UST: variants seen among roughly 807,000 people sequenced by gnomAD.
The protein encoded by UST is uronyl 2-sulfotransferase, also known as chondroitin sulfate 2-O-sulfotransferase.
A neutral mutation model predicts 45.6 loss-of-function variants in UST; 21 were observed. That is an observed-to-expected ratio of 0.46 (90% CI 0.33 to 0.66). The LOEUF (loss-of-function observed/expected upper bound fraction) is 0.66, where lower values mean the gene tolerates loss of function less well. UST is among the 30% of genes least tolerant of loss of function. The pLI is 0.02. For missense variants in UST, 463 were observed against 512.4 expected, an observed-to-expected ratio of 0.90 and a Z score of 0.93; for synonymous variants, 215 against 200.6, an observed-to-expected ratio of 1.07 and a Z score of -0.61.
chr6:148,770,635 G>A (rs116869609), intron 1 of UST, among the ~76,000 whole-genome samples: 1,582 of 152,256 alleles, frequency 0.01, 13 homozygotes, highest in Non-Finnish European at 0.016. Flanking sequence ...TAGGGCAGGC[G>A]TCTGATACAG....
chr6:149,069,727 A>G (rs1323091982), intron 7 of UST, among the ~76,000 whole-genome samples: 1 of 152,248 alleles, frequency 6.6e-6, no homozygotes, highest in Non-Finnish European at 1.5e-5. Flanking sequence ...CAAAGAAAGA[A>G]ATGTATAAAC....
At chr6:149,010,909 A>ACAAAC (rs1775797671) in intron 5 of UST, among the ~76,000 whole-genome samples, 7 of 149,222 alleles carry the variant, frequency 4.7e-5, no homozygotes, top group Admixed American at 1.3e-4. Flanking sequence ...AAAAAAAAAA[A>ACAAAC]AAAAAAAAAA....
At chr6:149,011,015 C>T (rs772673548) in intron 5 of UST, among the ~76,000 whole-genome samples, 3 of 150,618 alleles carry the variant, frequency 2.0e-5, no homozygotes, top group Non-Finnish European at 4.4e-5. Flanking sequence ...TGTTTGGTCT[C>T]TTGTGTCCGT....
chr6:149,040,333 C>T lies in UST; in HGVS notation c.937+18852C>T, dbSNP rs80162262. ...TATTTGTATTTTTTCCTGCAAAATG[C>T]CTGTAGATACTAGCAGGTAAGCATT... On this transcript the variant is annotated intron_variant, in intron 7 of 7. Coordinates refer to ENST00000367463, the MANE Select transcript of UST (RefSeq NM_005715.3). 7.6e-3 allele frequency among the ~76,000 whole-genome samples: 1,163 copies of T among 152,134 alleles called. 17 individuals are homozygous for T. The highest frequency in any genetic ancestry group is 0.027 in the African/African-American group (1,110 of 41,500).
intron 1 of UST, among the ~76,000 whole-genome samples, chr6:148,878,499 T>TGTGTATGAGTACAGGGATC (rs1778755646): frequency 1.0e-5 from 1 of 95,610 alleles, no homozygotes; most frequent in Non-Finnish European, 2.0e-5. Context: ...GTACAGGGAT[T>TGTGTATGAGTACAGGGATC]GTGTATGAGT....
At chr6:148,916,916 G>A (rs1399752780) in intron 2 of UST, among the ~76,000 whole-genome samples, 4 of 152,212 alleles carry the variant, frequency 2.6e-5, no homozygotes, top group Non-Finnish European at 5.9e-5. Context: ...ATTTCTTCCT[G>A]CCTTGCTCAT....
chr6:148,801,966 C>T (rs1226394422), intron 1 of UST, among the ~76,000 whole-genome samples: 1 of 152,142 alleles, frequency 6.6e-6, no homozygotes, highest in Non-Finnish European at 1.5e-5. Context: ...GATTCTGTCA[C>T]TCTTAAATTT....
chr6:148,868,899 TA>T (rs1288487474), intron 1 of UST, among the ~76,000 whole-genome samples: 2 of 152,234 alleles, frequency 1.3e-5, no homozygotes, highest in Non-Finnish European at 2.9e-5. Context: ...AATATAATCG[TA>T]AGAGTTACAC....
At chr6:148,870,104 T>TCTCACACACACACACACACA (rs377724567) in intron 1 of UST, among the ~76,000 whole-genome samples, 53 of 141,546 alleles carry the variant, frequency 3.7e-4, no homozygotes, top group African/African-American at 1.3e-3. Flanking sequence ...TGGTAATGTT[T>TCTCACACACACACACACACA]CACACACACA....
chr6:148,878,445 T>C lies in UST; in HGVS notation c.248-8541T>C, dbSNP rs576488407. On this transcript the variant is annotated intron_variant, in intron 1 of 7. Coordinates refer to ENST00000367463, the MANE Select transcript of UST (RefSeq NM_005715.3). ...GGTCGTGTATGAGTGTGGGGGATCGTGTATGAGTGGGGTGTCGTGTATGAG... is the reference window on the plus strand; with the variant it reads ...GGTCGTGTATGAGTGTGGGGGATCGCGTATGAGTGGGGTGTCGTGTATGAG... 2.3e-4 allele frequency among the ~76,000 whole-genome samples: 22 copies of C among 94,178 alleles called. 2 individuals carry two copies. In the East Asian group the frequency reaches 7.6e-3, roughly 33 times the overall value. 61.8% of individuals were successfully genotyped at this position (94,178 alleles called of 152,430 possible). A position where few individuals can be genotyped will look rare whatever the true frequency, so the allele number is the denominator to read the frequency against.
At chr6:148,766,928 C>G (rs78149466) in intron 1 of UST, among the ~76,000 whole-genome samples, 3,171 of 152,306 alleles carry the variant, frequency 0.021, 100 homozygotes, top group African/African-American at 0.071. Context: ...CTTTATTTGT[C>G]TATGACTTAT....
intron 2 of UST, among the ~76,000 whole-genome samples, chr6:148,911,404 T>C (rs570325159): frequency 8.5e-5 from 13 of 152,310 alleles, no homozygotes; most frequent in East Asian, 7.7e-4. Flanking sequence ...CTAGACCTTT[T>C]CCTAGGGACC....
intron 1 of UST, among the ~76,000 whole-genome samples, chr6:148,775,024 G>GA (rs1019562849): frequency 6.2e-5 from 9 of 145,730 alleles, no homozygotes; most frequent in South Asian, 2.2e-4. Context: ...TCATCTCAAA[G>GA]AAAAAAAAAA....
At chr6:148,944,508 T>TACACACACACACAC (rs10663979) in intron 3 of UST, among the ~76,000 whole-genome samples, 48 of 142,634 alleles carry the variant, frequency 3.4e-4, no homozygotes, top group East Asian at 2.4e-3. Flanking sequence ...GTTGTGATCA[T>TACACACACACACAC]ACACACACAC....
chr6:149,067,392 G>A (rs1206647734), intron 7 of UST, among the ~76,000 whole-genome samples: 2 of 152,098 alleles, frequency 1.3e-5, no homozygotes, highest in Non-Finnish European at 2.9e-5. Flanking sequence ...TTGAAATATC[G>A]CCATACCAAG....
chr6:148,879,464 A>G (rs1778783288), intron 1 of UST, among the ~76,000 whole-genome samples: 1 of 152,228 alleles, frequency 6.6e-6, no homozygotes, highest in Non-Finnish European at 1.5e-5. Flanking sequence ...AACCTTGGCT[A>G]GACAGTAGAA....
intron 1 of UST, among the ~76,000 whole-genome samples, chr6:148,783,952 C>T (rs929094521): frequency 6.6e-6 from 1 of 152,132 alleles, no homozygotes; most frequent in East Asian, 1.9e-4. Context: ...TCACACAACC[C>T]GGCCTAGAAA....
chr6:148,793,944 A>T (rs12525672), intron 1 of UST, among the ~76,000 whole-genome samples: 13,959 of 152,208 alleles, frequency 0.092, 710 homozygotes, highest in East Asian at 0.25. Flanking sequence ...GCTGCTGTGA[A>T]CATTGTTTTG....
rs569710452 is a variant in UST at position 148,749,492 on chromosome 6, C to T, written c.247+1815C>T. On this transcript the variant is annotated intron_variant, in intron 1 of 7. Transcript: ENST00000367463. ...TCATTGTCCTCAAAGCACCTGGCCT[C>T]GTGTAGGGTACTCAGACTTCATAGG... Among the ~76,000 whole-genome samples, 7 of 152,186 alleles carry T rather than the reference C, an allele frequency of 4.6e-5. No homozygotes were observed. The South Asian group carries it at 1.2e-3, about 27-fold the overall frequency.
Sources: allele counts gnomAD v4.1 joint callset (sites outside exome capture counted in the v4.1 genomes callset), GRCh38; gene constraint gnomAD v4.1.1; transcripts MANE v1.5; gene names NCBI Gene and HGNC (gene_info 2026-07-23, HGNC 2026-07-21).